CCDC62: variants seen among roughly 807,000 people sequenced by gnomAD.
The protein encoded by CCDC62 is coiled-coil domain-containing protein 62.
In CCDC62, 72 loss-of-function variants were observed where a neutral mutation model predicts 80.8. The observed-to-expected ratio is 0.89, with a 90% CI of 0.74 to 1.08. The LOEUF (loss-of-function observed/expected upper bound fraction) is 1.08, where lower values mean the gene tolerates loss of function less well. Ranked by LOEUF, CCDC62 falls within the 50% of genes least tolerant of loss-of-function variation. CCDC62 has a pLI of 0.00. For missense variants in CCDC62, 704 were observed against 809.4 expected (o/e 0.87, Z 1.58); for synonymous variants, 286 against 296.5 (o/e 0.96, Z 0.36).
At position 122,825,792 on chromosome 12, in the gene CCDC62, C is replaced by G. The variant is rs1014985185; in HGVS notation, c.*41-630C>G. The stretch of plus-strand genomic sequence containing the variant: ...CCTGAGGTCAGGAGTTTGAGACCAT[C>G]CTGGCCAACATGGCGAAACCCCGTC... On this transcript the variant is annotated intron_variant, in intron 12 of 12. Transcript: ENST00000253079. Among the ~76,000 whole-genome samples, 5 of 146,608 alleles carry G rather than the reference C, an allele frequency of 3.4e-5. No individual in the cohort carries two copies. The Admixed American group carries it at 3.5e-4, about 10-fold the overall frequency.
chr12:122,807,994 G>GT (rs2031693054), intron 10 of CCDC62, among the ~76,000 whole-genome samples: 1 of 152,152 alleles, frequency 6.6e-6, no homozygotes, highest in Non-Finnish European at 1.5e-5. Flanking sequence ...TGATGCAAAA[G>GT]TAAGTATGGT....
Position 122,792,125 on chromosome 12 carries a change from A to T in CCDC62, c.772+4A>T, listed in dbSNP as rs369128379. The T allele has an allele frequency of 7.1e-6, 11 of 1,558,078 alleles. No homozygotes were observed. In the African/African-American group the frequency reaches 1.5e-4, roughly 21 times the overall value. On this transcript the variant is annotated splice_donor_region_variant and intron_variant, in intron 6 of 12. Transcript: ENST00000253079. The stretch of plus-strand genomic sequence containing the variant: ...CACGATGAATTGCTTTTTACTGGTA[A>T]AACAGATGATCGAATGTATTTGTAA...
At chr12:122,810,996 G>A (rs1448555585) in intron 10 of CCDC62, among the ~76,000 whole-genome samples, 1 of 133,490 alleles carries the variant, frequency 7.5e-6, no homozygotes, top group East Asian at 2.3e-4. Context: ...CAGGAAGGGG[G>A]ACATCACACA....
chr12:122,797,397 T>C lies in CCDC62; in HGVS notation c.861+2T>C. 1 of 1,536,482 alleles carries C rather than the reference T, an allele frequency of 6.5e-7. No homozygotes were observed. Among genetic ancestry groups the C allele is most frequent in the Non-Finnish European group, 9.0e-7 (1 of 1,110,170 alleles). ...TCAGAACTGCACAATCTGAGACAGG[T>C]ATGTCCCCAATCATCCTTCTCTGTC... On this transcript the variant is annotated splice_donor_variant, in intron 7 of 12. Transcript: ENST00000253079. LOFTEE classifies it high-confidence loss of function.
At chr12:122,820,266 T>C (rs1361654596) in intron 11 of CCDC62, among the ~76,000 whole-genome samples, 2 of 152,094 alleles carry the variant, frequency 1.3e-5, no homozygotes, top group Non-Finnish European at 2.9e-5. Flanking sequence ...TCCAATAATT[T>C]AAAAATAGAC....
At chr12:122,807,405 C>T (rs1480418700) in intron 10 of CCDC62, among the ~76,000 whole-genome samples, 1 of 149,748 alleles carries the variant, frequency 6.7e-6, no homozygotes, top group Non-Finnish European at 1.5e-5. Flanking sequence ...GTGGCGGGTG[C>T]CTGTAATCTC....
At chr12:122,812,596 T>A (rs1371442592) in intron 10 of CCDC62, among the ~76,000 whole-genome samples, 2 of 131,236 alleles carry the variant, frequency 1.5e-5, no homozygotes, top group African/African-American at 5.6e-5. Context: ...AAAAAAAAAT[T>A]AGCCAGGCAT....
At chr12:122,805,869 A>G (rs1474255785) in intron 9 of CCDC62, among the ~76,000 whole-genome samples, 2 of 151,972 alleles carry the variant, frequency 1.3e-5, no homozygotes, top group Non-Finnish European at 2.9e-5. Context: ...TGGCCAGGAC[A>G]GTCCTGATCT....
At chr12:122,810,389 CATTT>C (rs1293625428) in intron 10 of CCDC62, among the ~76,000 whole-genome samples, 1 of 152,194 alleles carries the variant, frequency 6.6e-6, no homozygotes, top group Non-Finnish European at 1.5e-5. Flanking sequence ...CAAAAGAAGA[CATTT>C]ATGCAGCCAA....
intron 4 of CCDC62, among the ~76,000 whole-genome samples, chr12:122,786,921 C>T (rs1593788402): frequency 6.6e-6 from 1 of 152,144 alleles, no homozygotes; most frequent in Non-Finnish European, 1.5e-5. Context: ...AATCGCGCCA[C>T]TGCACTCCAG....
intron 3 of CCDC62, among the ~76,000 whole-genome samples, chr12:122,785,000 G>A (rs1308670107): frequency 1.3e-5 from 2 of 152,096 alleles, no homozygotes; most frequent in Admixed American, 6.6e-5. Context: ...TTAGCCAGGC[G>A]TAGTGTTGTG....
rs1184696263 is a variant in CCDC62, at chr12:122,793,519, G to A, written c.772+1398G>A. ...GGAATATGGCAGGGAATGGAATGCA[G>A]TTTGTCTGTAAATTAATGGGAAAAA... On this transcript the variant is annotated intron_variant, in intron 6 of 12. Coordinates refer to ENST00000253079, the MANE Select transcript of CCDC62 (RefSeq NM_201435.5). Among the ~76,000 whole-genome samples, 10 of 80,656 alleles carry A rather than the reference G, an allele frequency of 1.2e-4. No individual in the cohort carries two copies. The South Asian group carries it at 1.8e-3, about 15-fold the overall frequency. 52.9% of individuals were successfully genotyped at this position (80,656 alleles called of 152,430 possible).
chr12:122,784,751 C>T (rs897788382), intron 3 of CCDC62, among the ~76,000 whole-genome samples: 1 of 152,194 alleles, frequency 6.6e-6, no homozygotes, highest in African/African-American at 2.4e-5. Flanking sequence ...GGGAGGACTG[C>T]TTGAGCCCAG....
chr12:122,824,950 G>A (rs1461296315), intron 12 of CCDC62, among the ~76,000 whole-genome samples: 5 of 151,852 alleles, frequency 3.3e-5, no homozygotes, highest in Non-Finnish European at 5.9e-5. Flanking sequence ...GCTGGGTTTG[G>A]TGGTGCATGC....
chr12:122,812,081 C>A (rs930140431), intron 10 of CCDC62, among the ~76,000 whole-genome samples: 1 of 152,058 alleles, frequency 6.6e-6, no homozygotes, highest in Non-Finnish European at 1.5e-5. Context: ...TCTTTTATCG[C>A]ATGGGTGTTA....
At chr12:122,784,788 G>A (rs2030109446) in intron 3 of CCDC62, among the ~76,000 whole-genome samples, 1 of 151,582 alleles carries the variant, frequency 6.6e-6, no homozygotes, top group Non-Finnish European at 1.5e-5. Context: ...TGAGCTATGA[G>A]TGCACCACTG....
At chr12:122,811,714 G>T (rs2031896472) in intron 10 of CCDC62, among the ~76,000 whole-genome samples, 2 of 149,912 alleles carry the variant, frequency 1.3e-5, no homozygotes, top group Admixed American at 6.7e-5. Flanking sequence ...CAGCTACTCG[G>T]GAGGCTGAAA....
At position 122,801,375 on chromosome 12, in the gene CCDC62, C is replaced by T. The variant is rs768682142; in HGVS notation, c.1229C>T (p.Pro410Leu). The T allele has an allele frequency of 6.2e-7, 1 of 1,614,134 alleles. No homozygotes were observed. Among genetic ancestry groups the T allele is most frequent in the South Asian group, 1.1e-5 (1 of 91,072 alleles). Residue 410 changes from proline (P) to leucine (L), a missense_variant, in exon 9 of 13, where the codon CCT (proline) becomes CTT (leucine). Transcript: ENST00000253079. Reference protein sequence around the residue: ...TKDLVEKHNLPWSLGGKTQIE... With the variant: ...TKDLVEKHNLLWSLGGKTQIE... ...GACTTAGTAGAGAAACACAACCTCCCTTGGTCTCTGGGAGGAAAAACCCAG... is the reference window on the plus strand; with the variant it reads ...GACTTAGTAGAGAAACACAACCTCCTTTGGTCTCTGGGAGGAAAAACCCAG...
intron 11 of CCDC62, among the ~76,000 whole-genome samples, chr12:122,817,821 CGTGT>C (rs945002677): frequency 4.0e-5 from 6 of 151,400 alleles, no homozygotes; most frequent in East Asian, 3.9e-4. Flanking sequence ...TGCATGCATG[CGTGT>C]GTGTGTGTGT....
Sources: allele counts gnomAD v4.1 joint callset (sites outside exome capture counted in the v4.1 genomes callset), GRCh38; gene constraint gnomAD v4.1.1; transcripts MANE v1.5; gene names NCBI Gene and HGNC (gene_info 2026-07-23, HGNC 2026-07-21).